CAMSAP2: variants seen among roughly 807,000 people sequenced by gnomAD.
CAMSAP2 encodes calmodulin regulated spectrin associated protein family member 2, also known as calmodulin-regulated spectrin-associated protein 2.
Under a neutral mutation model 146.1 loss-of-function variants are expected in CAMSAP2, and 26 were observed. The ratio of observed to expected loss-of-function variants is 0.18; its 90% CI spans 0.13 to 0.25. The LOEUF is 0.25. Ranked by LOEUF, CAMSAP2 falls within the 10% of genes least tolerant of loss-of-function variation. The pLI, the probability that CAMSAP2 is intolerant of heterozygous loss-of-function variation, is 1.00. For synonymous variants in CAMSAP2, 499 were observed against 596.6 expected (o/e 0.84, Z 2.38); for missense variants, 1,381 against 1,759.3 (o/e 0.78, Z 3.85).
intron 4 of CAMSAP2, among the ~76,000 whole-genome samples, chr1:200,816,944 G>A (rs1666561845): frequency 4.2e-5 from 3 of 70,602 alleles, no homozygotes; most frequent in Admixed American, 1.3e-4. Context: ...GCGTGTGTAT[G>A]TGTGTACACA....
chr1:200,770,441 G>A (rs558488395), intron 2 of CAMSAP2, among the ~76,000 whole-genome samples: 37 of 147,436 alleles, frequency 2.5e-4, no homozygotes, highest in African/African-American at 8.1e-4. Context: ...TTTTTGAGAC[G>A]GAGTCTCTGT....
chr1:200,823,658 T>C (rs1666830853), intron 4 of CAMSAP2, among the ~76,000 whole-genome samples: 1 of 152,200 alleles, frequency 6.6e-6, no homozygotes, highest in Non-Finnish European at 1.5e-5. Context: ...GATTTAACAC[T>C]AGTGATATTA....
chr1:200,828,497 G>T, intron 4 of CAMSAP2: 2 of 1,373,274 alleles, frequency 1.5e-6, no homozygotes, highest in Non-Finnish European at 2.0e-6. Context: ...ACTATAATTT[G>T]TTAATTGAAG....
intron 8 of CAMSAP2, among the ~76,000 whole-genome samples, chr1:200,845,208 G>T (rs1667428112): frequency 6.6e-6 from 1 of 151,298 alleles, no homozygotes; most frequent in Admixed American, 6.6e-5. Flanking sequence ...ATTCTATTAG[G>T]ACTTTTACAT....
chr1:200,770,680 C>T (rs1665091305), intron 2 of CAMSAP2, among the ~76,000 whole-genome samples: 1 of 152,130 alleles, frequency 6.6e-6, no homozygotes, highest in Non-Finnish European at 1.5e-5. Context: ...TCCCAAAGTG[C>T]TGGGATTACA....
At chr1:200,825,576 G>A (rs1426154097) in intron 4 of CAMSAP2, among the ~76,000 whole-genome samples, 2 of 149,464 alleles carry the variant, frequency 1.3e-5, no homozygotes, top group Non-Finnish European at 3.0e-5. Flanking sequence ...GTGCGATCTC[G>A]GCTCACTGCA....
intron 6 of CAMSAP2, among the ~76,000 whole-genome samples, chr1:200,836,495 AT>A (rs1229346835): frequency 6.6e-6 from 1 of 152,168 alleles, no homozygotes; most frequent in Non-Finnish European, 1.5e-5. Flanking sequence ...TCTAGCGTCA[AT>A]GGGCATTTAG....
intron 7 of CAMSAP2, among the ~76,000 whole-genome samples, chr1:200,843,019 AG>A (rs1667366347): frequency 6.6e-6 from 1 of 151,950 alleles, no homozygotes; most frequent in African/African-American, 2.4e-5. Flanking sequence ...TTATTTCTAT[AG>A]GGGGAAAAAT....
At chr1:200,772,691 A>G (rs1665152362) in intron 2 of CAMSAP2, among the ~76,000 whole-genome samples, 1 of 152,236 alleles carries the variant, frequency 6.6e-6, no homozygotes, top group African/African-American at 2.4e-5. Flanking sequence ...GAGTGGTAAA[A>G]TGACAGTGTT....
intron 1 of CAMSAP2, 24 bp from the exon 2 acceptor site, chr1:200,760,815 A>T: frequency 6.6e-7 from 1 of 1,508,900 alleles, no homozygotes; most frequent in Non-Finnish European, 8.9e-7. Flanking sequence ...CTTGTAAGAG[A>T]ATTTTTTCCA....
At chr1:200,760,766 A>G (rs1664777531) in intron 1 of CAMSAP2, 73 bp from the exon 2 acceptor site, 4 of 1,082,592 alleles carry the variant, frequency 3.7e-6, no homozygotes, top group African/African-American at 1.6e-5. Flanking sequence ...GACATAAATA[A>G]TAATTATTAA....
At chr1:200,854,029 A>C (rs1282119807) in intron 13 of CAMSAP2, among the ~76,000 whole-genome samples, 2 of 152,188 alleles carry the variant, frequency 1.3e-5, no homozygotes, top group African/African-American at 4.8e-5. Context: ...CCCAGGCTAG[A>C]GTGCAGTGGT....
intron 1 of CAMSAP2, among the ~76,000 whole-genome samples, chr1:200,760,010 G>C (rs1053533244): frequency 5.9e-5 from 9 of 152,210 alleles, no homozygotes; most frequent in African/African-American, 2.2e-4. Flanking sequence ...GCAGACATTG[G>C]GAGAGTGGGA....
At chr1:200,815,155 C>T (rs1404325041) in intron 3 of CAMSAP2, among the ~76,000 whole-genome samples, 3 of 152,208 alleles carry the variant, frequency 2.0e-5, no homozygotes, top group South Asian at 4.1e-4. Flanking sequence ...ACTTGATTCA[C>T]AGTGTTATTT....
At chr1:200,828,735 C>A in intron 4 of CAMSAP2, 1 of 833,944 alleles carries the variant, frequency 1.2e-6, no homozygotes, top group Non-Finnish European at 1.9e-6. Flanking sequence ...ATTTTAAGGT[C>A]ATGTAAAATG....
intron 4 of CAMSAP2, among the ~76,000 whole-genome samples, chr1:200,818,870 C>G (rs562621635): frequency 6.6e-6 from 1 of 152,312 alleles, no homozygotes; most frequent in South Asian, 2.1e-4. Context: ...TTTCCATCTA[C>G]TTCAGTCAGC....
At chr1:200,783,756 C>T (rs183282352) in intron 2 of CAMSAP2, among the ~76,000 whole-genome samples, 65 of 152,174 alleles carry the variant, frequency 4.3e-4, no homozygotes, top group African/African-American at 1.4e-3. Context: ...CCCAAAGTGC[C>T]GGGATTACAG....
At chr1:200,808,238 A>G (rs1321066076) in intron 3 of CAMSAP2, among the ~76,000 whole-genome samples, 1 of 152,184 alleles carries the variant, frequency 6.6e-6, no homozygotes, top group Non-Finnish European at 1.5e-5. Context: ...ACAAGATCCT[A>G]TTGATTGTGG....
At chr1:200,820,213 G>A (rs993601246) in intron 4 of CAMSAP2, among the ~76,000 whole-genome samples, 10 of 151,924 alleles carry the variant, frequency 6.6e-5, no homozygotes, top group Non-Finnish European at 1.0e-4. Context: ...GGTGTGCACC[G>A]CCATGCCCAC....
Sources: gnomAD v4.1 joint callset for allele counts (sites outside exome capture counted in the v4.1 genomes callset) on GRCh38, gnomAD v4.1.1 for gene constraint, MANE v1.5 for transcripts, NCBI Gene and HGNC (gene_info 2026-07-23, HGNC 2026-07-21) for gene names.